The following ZNF516 variants were observed in gnomAD, a reference collection of about 807,000 sequenced individuals.
ZNF516 encodes zinc finger protein 516.
Under a neutral mutation model 79.7 loss-of-function variants are expected in ZNF516, and 19 were observed. That is an observed-to-expected ratio of 0.24 (90% CI 0.17 to 0.35). The LOEUF is 0.35. ZNF516 is among the 10% of genes least tolerant of loss of function. The pLI is 1.00. For synonymous variants in ZNF516, 877 were observed against 739.5 expected (o/e 1.19, Z -3.02); for missense variants, 1,678 against 1,679.5 (o/e 1.00, Z 0.02).
At chr18:76,479,908 G>A (rs1419907096) in intron 1 of ZNF516, among the ~76,000 whole-genome samples, 1 of 152,210 alleles carries the variant, frequency 6.6e-6, no homozygotes, top group African/African-American at 2.4e-5. Context: ...CCCTTAAACT[G>A]CTGGGATCCC....
At chr18:76,389,625 T>C (rs2075043012) in intron 3 of ZNF516, among the ~76,000 whole-genome samples, 1 of 152,254 alleles carries the variant, frequency 6.6e-6, no homozygotes, top group African/African-American at 2.4e-5. Flanking sequence ...TCATTTCTTA[T>C]GTACTCTTCA....
chr18:76,379,466 T>G lies in ZNF516; in HGVS notation c.2648A>C (p.Asp883Ala). 1 of 1,613,534 alleles carries G rather than the reference T, an allele frequency of 6.2e-7. No individual in the cohort carries two copies. Among genetic ancestry groups the G allele is most frequent in the Non-Finnish European group, 8.5e-7 (1 of 1,179,876 alleles). The change falls in exon 4 of 7, where the codon GAC (aspartate) becomes GCC (alanine). Residue 883 changes from aspartate to alanine, a missense_variant. Transcript: ENST00000443185. ...ACAAGGTTTGGTCTGTCGATACCCG[T>G]CAGGGCCGGGCGCCCACAGAGCGCA... ...GPCALWAPGP[D>A]GYRQTKPCHG... is the part of the protein sequence containing the mutation.
intron 2 of ZNF516, among the ~76,000 whole-genome samples, chr18:76,447,567 A>G (rs1912133626): frequency 6.6e-6 from 1 of 152,204 alleles, no homozygotes; most frequent in Non-Finnish European, 1.5e-5. Context: ...TGAGCCTGCC[A>G]CCCAAACCAC....
intron 2 of ZNF516, among the ~76,000 whole-genome samples, chr18:76,447,587 G>A (rs1912134843): frequency 1.3e-5 from 2 of 152,184 alleles, no homozygotes; most frequent in Admixed American, 6.5e-5. Context: ...CAGGGAATAC[G>A]GAAAGGTTCT....
At position 76,451,930 on chromosome 18, in the gene ZNF516, CGAAGA is replaced by C. The variant is rs1157133586; in HGVS notation, c.-157-8724_-157-8720del. Among the ~76,000 whole-genome samples the C allele has an allele frequency of 1.3e-5, 2 of 152,122 alleles. No homozygotes were observed. The highest frequency in any genetic ancestry group is 2.9e-5 in the Non-Finnish European group (2 of 68,036). On this transcript the variant is annotated intron_variant, in intron 2 of 6. Transcript: ENST00000443185. This position sits in a 1 kb window ranked among gnomAD's most constrained non-coding sequence, Gnocchi z 6.0. Reference sequence around the variant, plus strand: ...GCTTATAGTCCCCAGACTGGGGTCCCGAAGAGCCCCATAAAGTGATGCATTCACTA... The same window carrying C: ...GCTTATAGTCCCCAGACTGGGGTCCCGCCCCATAAAGTGATGCATTCACTA...
At chr18:76,474,891 T>C (rs1914087530) in intron 1 of ZNF516, among the ~76,000 whole-genome samples, 1 of 152,166 alleles carries the variant, frequency 6.6e-6, no homozygotes, top group Non-Finnish European at 1.5e-5. Context: ...ATGAAAAATA[T>C]AATTTTCTAA....
intron 2 of ZNF516, among the ~76,000 whole-genome samples, chr18:76,460,867 A>G (rs955999818): frequency 2.6e-5 from 4 of 152,164 alleles, no homozygotes; most frequent in African/African-American, 7.2e-5. Context: ...TTGTTTTTCC[A>G]GAAGTAATAG....
At chr18:76,454,188 G>C (rs2145628506) in intron 2 of ZNF516, among the ~76,000 whole-genome samples, 1 of 152,308 alleles carries the variant, frequency 6.6e-6, no homozygotes, top group Middle Eastern at 3.4e-3. Context: ...ACAGAAGTCA[G>C]CGCCCAAAAA....
At chr18:76,472,496 TAC>T (rs1036060788) in intron 1 of ZNF516, among the ~76,000 whole-genome samples, 1 of 152,246 alleles carries the variant, frequency 6.6e-6, no homozygotes, top group African/African-American at 2.4e-5. Context: ...CAGGCACACT[TAC>T]ACACATATGC....
At chr18:76,421,776 C>A (rs1237608012) in intron 3 of ZNF516, among the ~76,000 whole-genome samples, 1 of 152,184 alleles carries the variant, frequency 6.6e-6, no homozygotes, top group African/African-American at 2.4e-5. Context: ...ATTTTACCTA[C>A]AGTAAGAAAG....
At chr18:76,417,254 T>C (rs1318523283) in intron 3 of ZNF516, among the ~76,000 whole-genome samples, 3 of 152,208 alleles carry the variant, frequency 2.0e-5, no homozygotes, top group Non-Finnish European at 4.4e-5. Flanking sequence ...GGCAGAAAGC[T>C]GGGTGCACGA....
intron 1 of ZNF516, chr18:76,490,622 T>A (rs1915117330): frequency 3.0e-6 from 1 of 330,200 alleles, no homozygotes; most frequent in South Asian, 1.2e-4. Flanking sequence ...GTCATTTTCT[T>A]TAATAGTATT....
At chr18:76,445,182 G>T (rs749963429) in intron 2 of ZNF516, among the ~76,000 whole-genome samples, 1 of 151,906 alleles carries the variant, frequency 6.6e-6, no homozygotes, top group African/African-American at 2.4e-5. Context: ...GCTTGAACCC[G>T]GGAGAGGGAG....
At chr18:76,381,812 C>G (rs2074897078) in intron 3 of ZNF516, among the ~76,000 whole-genome samples, 1 of 152,188 alleles carries the variant, frequency 6.6e-6, no homozygotes, top group African/African-American at 2.4e-5. Flanking sequence ...TATCCAACTC[C>G]TACCGGCTCC....
rs533475633 is a variant in ZNF516, at chr18:76,451,969, G to C, written c.-157-8758C>G. 2.0e-5 allele frequency among the ~76,000 whole-genome samples: 3 copies of C among 152,294 alleles called. No homozygotes were observed. The highest frequency in any genetic ancestry group is 7.2e-5 in the African/African-American group (3 of 41,560). On this transcript the variant is annotated intron_variant, in intron 2 of 6. Coordinates refer to ENST00000443185, the MANE Select transcript of ZNF516 (RefSeq NM_014643.4). The surrounding 1 kb of genome is among the most constrained non-coding windows in gnomAD (Gnocchi z 6.0). Reference sequence around the variant, plus strand: ...AAGTGATGCATTCACTATTGGGAGAGTAAGTACGGCCGATGACAGGCCTGG... The same window carrying C: ...AAGTGATGCATTCACTATTGGGAGACTAAGTACGGCCGATGACAGGCCTGG...
intron 6 of ZNF516, among the ~76,000 whole-genome samples, chr18:76,365,158 T>C (rs886701265): frequency 6.6e-6 from 1 of 152,266 alleles, no homozygotes; most frequent in Non-Finnish European, 1.5e-5. Flanking sequence ...ATTTGTTTTT[T>C]CATTTCCTGT....
At position 76,451,160 on chromosome 18, in the gene ZNF516, G is replaced by A. The variant is rs142277859; in HGVS notation, c.-157-7949C>T. Among the ~76,000 whole-genome samples, 19 of 152,312 alleles carry A rather than the reference G, an allele frequency of 1.2e-4. No individual in the cohort carries two copies. The highest frequency in any genetic ancestry group is 1.2e-3 in the Admixed American group (19 of 15,304). ...GGAGGGAAGCAAAGCTGAAGTGGGT[G>A]CTGCTTTCCAAATGCCTATCTAGCT... On this transcript the variant is annotated intron_variant, in intron 2 of 6. Transcript: ENST00000443185. This position sits in a 1 kb window ranked among gnomAD's most constrained non-coding sequence, Gnocchi z 6.0.
At chr18:76,431,621 T>C (rs567748928) in intron 3 of ZNF516, among the ~76,000 whole-genome samples, 3 of 152,310 alleles carry the variant, frequency 2.0e-5, no homozygotes, top group South Asian at 2.1e-4. Flanking sequence ...TTGGTGCTCA[T>C]TGCAACGAGT....
In ZNF516 at chr18:76,483,487, C is replaced by T. The variant is rs74451146; in HGVS notation, c.-272+11657G>A. On this transcript the variant is annotated intron_variant, in intron 1 of 6. Coordinates refer to ENST00000443185, the MANE Select transcript of ZNF516 (RefSeq NM_014643.4). ...CATCTGTCCGTCATCAGCATCTGTC[C>T]GTCATCGGCATCTGTCTGTCACGGG... 5.9e-4 allele frequency among the ~76,000 whole-genome samples: 90 copies of T among 152,160 alleles called. 1 individual carries two copies. In the East Asian group the frequency reaches 0.017, roughly 28 times the overall value.
Sources: gnomAD v4.1 joint callset for allele counts (sites outside exome capture counted in the v4.1 genomes callset) on GRCh38, gnomAD v4.1.1 for gene constraint, Gnocchi (gnomAD v3.1) non-coding constraint, MANE v1.5 for transcripts, NCBI Gene and HGNC (gene_info 2026-07-23, HGNC 2026-07-21) for gene names.